The following HCN1 variants were observed in gnomAD, a reference collection of about 807,000 sequenced individuals.
HCN1 encodes hyperpolarization activated cyclic nucleotide gated potassium channel 1.
In HCN1, 13 loss-of-function variants were observed where a neutral mutation model predicts 78.9. The ratio of observed to expected loss-of-function variants is 0.16; its 90% confidence interval spans 0.11 to 0.26. The LOEUF (loss-of-function observed/expected upper bound fraction) is 0.26, where lower values mean the gene tolerates loss of function less well. HCN1 is among the 10% of genes least tolerant of loss of function. The pLI, the probability that HCN1 is intolerant of heterozygous loss-of-function variation, is 1.00. For missense variants in HCN1, 810 were observed against 1,154.3 expected (o/e 0.70, Z 4.32); for synonymous variants, 552 against 455.5 (o/e 1.21, Z -2.70).
At chr5:45,479,120 G>GT (rs201844381) in intron 2 of HCN1, among the ~76,000 whole-genome samples, 4 of 141,790 alleles carry the variant, frequency 2.8e-5, no homozygotes, top group East Asian at 2.0e-4. Context: ...GAGCGAGACT[G>GT]TTTTAAAAAA....
chr5:45,599,152 A>T (rs1744571764), intron 2 of HCN1, among the ~76,000 whole-genome samples: 1 of 152,190 alleles, frequency 6.6e-6, no homozygotes, highest in African/African-American at 2.4e-5. Flanking sequence ...AAGACTTGGA[A>T]CCAACACAAA....
chr5:45,536,957 C>T (rs1399880618), intron 2 of HCN1, among the ~76,000 whole-genome samples: 3 of 152,186 alleles, frequency 2.0e-5, no homozygotes, highest in Admixed American at 2.0e-4. Flanking sequence ...TGCACAATTT[C>T]TCAACCAGCA....
At chr5:45,350,930 C>A (rs1192427009) in intron 5 of HCN1, among the ~76,000 whole-genome samples, 1 of 152,052 alleles carries the variant, frequency 6.6e-6, no homozygotes, top group Non-Finnish European at 1.5e-5. Flanking sequence ...GAATCAATAT[C>A]GTGAAAATGG....
chr5:45,641,509 T>C (rs888788715), intron 2 of HCN1, among the ~76,000 whole-genome samples: 8 of 152,162 alleles, frequency 5.3e-5, no homozygotes. Context: ...TTAATTGTAA[T>C]ATGTCCCAGT....
chr5:45,418,844 TTTTAATTTGAAGA>T (rs1377685452), intron 3 of HCN1, among the ~76,000 whole-genome samples: 1 of 152,186 alleles, frequency 6.6e-6, no homozygotes, highest in Non-Finnish European at 1.5e-5. Context: ...GAATATTTTA[TTTTAATTTGAAGA>T]TTTATATATA....
At chr5:45,638,849 C>G (rs914277140) in intron 2 of HCN1, among the ~76,000 whole-genome samples, 23 of 152,212 alleles carry the variant, frequency 1.5e-4, no homozygotes, top group African/African-American at 5.3e-4. Flanking sequence ...TTGCAGTGAG[C>G]CGAGATGGAA....
At chr5:45,408,154 C>G (rs1739961241) in intron 3 of HCN1, among the ~76,000 whole-genome samples, 1 of 151,928 alleles carries the variant, frequency 6.6e-6, no homozygotes, top group African/African-American at 2.4e-5. Flanking sequence ...TTAGAATAAA[C>G]TAAGGTTAAT....
At chr5:45,403,700 A>G (rs1434431068) in intron 3 of HCN1, among the ~76,000 whole-genome samples, 4 of 152,164 alleles carry the variant, frequency 2.6e-5, no homozygotes, top group South Asian at 4.1e-4. Flanking sequence ...CAGCCAAACC[A>G]TATCAGGGCT....
At chr5:45,602,135 A>C (rs1047830346) in intron 2 of HCN1, among the ~76,000 whole-genome samples, 1 of 152,054 alleles carries the variant, frequency 6.6e-6, no homozygotes, top group African/African-American at 2.4e-5. Context: ...GCCATGCAAA[A>C]CTATGAGCAA....
At chr5:45,302,994 G>A (rs1293424608) in intron 6 of HCN1, among the ~76,000 whole-genome samples, 3 of 151,982 alleles carry the variant, frequency 2.0e-5, no homozygotes, top group South Asian at 2.1e-4. Flanking sequence ...TTTATCATCA[G>A]TGTGAAAATG....
At chr5:45,422,207 C>T (rs568965690) in intron 3 of HCN1, among the ~76,000 whole-genome samples, 1 of 152,258 alleles carries the variant, frequency 6.6e-6, no homozygotes, top group South Asian at 2.1e-4. Flanking sequence ...GCCTTTTGTC[C>T]AATCATACTT....
intron 5 of HCN1, among the ~76,000 whole-genome samples, chr5:45,348,763 A>G (rs1286739004): frequency 6.6e-6 from 1 of 152,214 alleles, no homozygotes; most frequent in Non-Finnish European, 1.5e-5. Flanking sequence ...ACAAAGATCA[A>G]AAGAGACAAA....
At chr5:45,328,856 G>A (rs573058336) in intron 5 of HCN1, among the ~76,000 whole-genome samples, 8 of 151,764 alleles carry the variant, frequency 5.3e-5, no homozygotes, top group Non-Finnish European at 3.0e-5. Context: ...GTTAATAAGC[G>A]ATATTAGCAT....
At chr5:45,690,693 TTTTTC>T (rs1739893843) in intron 1 of HCN1, among the ~76,000 whole-genome samples, 4 of 152,058 alleles carry the variant, frequency 2.6e-5, no homozygotes, top group Admixed American at 2.6e-4. Context: ...CATGCAGACT[TTTTTC>T]TTTATTATCA....
At chr5:45,464,364 C>A (rs898805214) in intron 2 of HCN1, among the ~76,000 whole-genome samples, 1 of 152,096 alleles carries the variant, frequency 6.6e-6, no homozygotes, top group African/African-American at 2.4e-5. Flanking sequence ...ACCAAATAGT[C>A]ATTCCCAATT....
At chr5:45,534,538 A>C (rs1742927445) in intron 2 of HCN1, among the ~76,000 whole-genome samples, 1 of 151,508 alleles carries the variant, frequency 6.6e-6, no homozygotes, top group Admixed American at 6.6e-5. Context: ...GTATAATGTC[A>C]TAACTATTAA....
At chr5:45,381,648 A>T (rs957957162) in intron 4 of HCN1, among the ~76,000 whole-genome samples, 1 of 151,936 alleles carries the variant, frequency 6.6e-6, no homozygotes, top group Non-Finnish European at 1.5e-5. Context: ...ATCCTCTCAC[A>T]TCTATTCCAT....
intron 2 of HCN1, among the ~76,000 whole-genome samples, chr5:45,523,094 T>G (rs2111783972): frequency 1.3e-5 from 2 of 151,478 alleles, no homozygotes; most frequent in Middle Eastern, 3.4e-3. Context: ...CACCTATGAG[T>G]GAGAACATGT....
intron 2 of HCN1, among the ~76,000 whole-genome samples, chr5:45,597,215 C>A (rs1289359776): frequency 6.6e-6 from 1 of 152,188 alleles, no homozygotes; most frequent in Non-Finnish European, 1.5e-5. Context: ...AAAAGCTTAT[C>A]CACCACGATC....
Sources: gnomAD v4.1 joint callset for allele counts (sites outside exome capture counted in the v4.1 genomes callset) on GRCh38, gnomAD v4.1.1 for gene constraint, MANE v1.5 for transcripts, NCBI Gene and HGNC (gene_info 2026-07-23, HGNC 2026-07-21) for gene names.